Variants in NALF1 observed in about 807,000 individuals in gnomAD.
NALF1 encodes family with sequence similarity 155 member A.
Under a neutral mutation model 48.4 loss-of-function variants are expected in NALF1, and 3 were observed. That is an observed-to-expected ratio of 0.06 (90% CI 0.03 to 0.16). NALF1 has a LOEUF of 0.16. NALF1 is among the 10% of genes least tolerant of loss of function. The pLI is 1.00. For synonymous variants in NALF1, 262 were observed against 245.7 expected, an observed-to-expected ratio of 1.07 and a Z score of -0.62; for missense variants, 526 against 571.5, an observed-to-expected ratio of 0.92 and a Z score of 0.81.
At chr13:107,775,948 T>C (rs1050058825) in intron 1 of NALF1, among the ~76,000 whole-genome samples, 1 of 152,142 alleles carries the variant, frequency 6.6e-6, no homozygotes, top group East Asian at 1.9e-4. Flanking sequence ...AGCCAAATGG[T>C]GATATCATAG....
intron 1 of NALF1, among the ~76,000 whole-genome samples, chr13:107,864,221 C>T (rs979138572): frequency 1.3e-5 from 2 of 152,168 alleles, no homozygotes; most frequent in African/African-American, 4.8e-5. Context: ...ATACACTTGT[C>T]TAGTGAAGTA....
intron 1 of NALF1, among the ~76,000 whole-genome samples, chr13:107,390,730 C>G (rs144912309): frequency 6.6e-6 from 1 of 152,034 alleles, no homozygotes; most frequent in African/African-American, 2.4e-5. Context: ...AAGAGAGGGA[C>G]GGCACAGAGA....
intron 1 of NALF1, among the ~76,000 whole-genome samples, chr13:107,611,983 A>AGAGGAGAGGAGAGG (rs1555312420): frequency 7.0e-6 from 1 of 142,384 alleles, no homozygotes; most frequent in East Asian, 2.2e-4. Context: ...AAGAGAAGAG[A>AGAGGAGAGGAGAGG]AGAGGAGAGG....
chr13:107,336,564 G>C (rs1882561112), intron 1 of NALF1, among the ~76,000 whole-genome samples: 3 of 151,992 alleles, frequency 2.0e-5, no homozygotes, highest in Non-Finnish European at 2.9e-5. Flanking sequence ...AACAATCTTT[G>C]TGTCTAACAT....
At chr13:107,828,342 A>C (rs569086072) in intron 1 of NALF1, among the ~76,000 whole-genome samples, 4 of 152,282 alleles carry the variant, frequency 2.6e-5, no homozygotes, top group Admixed American at 6.5e-5. Flanking sequence ...CACGTCACAG[A>C]AGCACAGAAA....
chr13:107,424,063 T>C (rs1884237420), intron 1 of NALF1, among the ~76,000 whole-genome samples: 1 of 152,138 alleles, frequency 6.6e-6, no homozygotes. Context: ...AGTGTGACTT[T>C]CTATTTCAAT....
chr13:107,734,392 T>C (rs1250540810), intron 1 of NALF1, among the ~76,000 whole-genome samples: 3 of 55,592 alleles, frequency 5.4e-5, no homozygotes, highest in Non-Finnish European at 1.5e-4. Flanking sequence ...TCTATGGGTA[T>C]TTTTCCTTTA....
intron 1 of NALF1, among the ~76,000 whole-genome samples, chr13:107,707,965 T>A (rs760960826): frequency 6.6e-6 from 1 of 152,258 alleles, no homozygotes; most frequent in Non-Finnish European, 1.5e-5. Context: ...TGTTCTCATA[T>A]AAATAATTAT....
chr13:107,584,958 A>G (rs1297533407), intron 1 of NALF1, among the ~76,000 whole-genome samples: 3 of 152,196 alleles, frequency 2.0e-5, no homozygotes, highest in Non-Finnish European at 4.4e-5. Flanking sequence ...ATTACCTATT[A>G]CATGCTATAA....
chr13:107,381,071 TACATG>T (rs997465249), intron 1 of NALF1, among the ~76,000 whole-genome samples: 12 of 148,980 alleles, frequency 8.1e-5, no homozygotes, highest in East Asian at 1.9e-4. Context: ...TATTCATATA[TACATG>T]ACATAATATA....
chr13:107,633,713 A>G (rs9559113), intron 1 of NALF1, among the ~76,000 whole-genome samples: 84,882 of 141,712 alleles, frequency 0.6, 26,908 homozygotes, highest in East Asian at 0.99. Flanking sequence ...TTTCATATAT[A>G]TGTGTGTGTA....
chr13:107,727,050 T>A (rs1876178345), intron 1 of NALF1, among the ~76,000 whole-genome samples: 1 of 151,444 alleles, frequency 6.6e-6, no homozygotes, highest in African/African-American at 2.4e-5. Context: ...GACCTCATGA[T>A]CCTCCCTCCT....
intron 1 of NALF1, among the ~76,000 whole-genome samples, chr13:107,393,788 C>T (rs1051826015): frequency 1.3e-5 from 2 of 152,030 alleles, no homozygotes; most frequent in African/African-American, 4.8e-5. Flanking sequence ...GTCAAGGTGA[C>T]TTGAGAGGAC....
chr13:107,840,088 C>A (rs575274194), intron 1 of NALF1, among the ~76,000 whole-genome samples: 1 of 152,272 alleles, frequency 6.6e-6, no homozygotes, highest in African/African-American at 2.4e-5. Flanking sequence ...TTAGCAATGC[C>A]ACTGCGATAT....
At chr13:107,507,578 G>T (rs950383261) in intron 1 of NALF1, among the ~76,000 whole-genome samples, 2 of 108,564 alleles carry the variant, frequency 1.8e-5, no homozygotes, top group African/African-American at 3.7e-5. Flanking sequence ...TAGATGCCTA[G>T]ATGTTTATTC....
chr13:107,622,828 C>G (rs1000411107), intron 1 of NALF1, among the ~76,000 whole-genome samples: 1 of 152,118 alleles, frequency 6.6e-6, no homozygotes, highest in African/African-American at 2.4e-5. Context: ...ATTATGGTAA[C>G]TAGGCATAGC....
intron 1 of NALF1, among the ~76,000 whole-genome samples, chr13:107,428,037 G>C (rs868804325): frequency 3.3e-5 from 5 of 152,138 alleles, no homozygotes; most frequent in Non-Finnish European, 7.3e-5. Context: ...AATTTTGAGG[G>C]AAGAAGCAAT....
At chr13:107,308,644 A>C (rs1403474721) in intron 1 of NALF1, among the ~76,000 whole-genome samples, 1 of 152,230 alleles carries the variant, frequency 6.6e-6, no homozygotes, top group Non-Finnish European at 1.5e-5. Flanking sequence ...AAATTAATGG[A>C]TAAAAGGCGT....
At chr13:107,475,727 G>T (rs1428880611) in intron 1 of NALF1, among the ~76,000 whole-genome samples, 1 of 152,070 alleles carries the variant, frequency 6.6e-6, no homozygotes, top group Non-Finnish European at 1.5e-5. Flanking sequence ...GAAATTCTCA[G>T]GGAATTCTTG....
Sources: gnomAD v4.1 joint callset for allele counts (sites outside exome capture counted in the v4.1 genomes callset) on GRCh38, gnomAD v4.1.1 for gene constraint, MANE v1.5 for transcripts, NCBI Gene and HGNC (gene_info 2026-07-23, HGNC 2026-07-21) for gene names.